ADARB2: variants seen among roughly 807,000 people sequenced by gnomAD.
ADARB2 encodes the protein inactive double-stranded RNA-specific editase B2.
Under a neutral mutation model 62.2 loss-of-function variants are expected in ADARB2, and 25 were observed. The observed-to-expected ratio is 0.40, with a 90% CI of 0.29 to 0.56. ADARB2 has a LOEUF of 0.56. ADARB2 is among the 20% of genes least tolerant of loss of function. The probability of loss-of-function intolerance (pLI) is 0.43; values close to 1 mark genes in which losing one functional copy is unlikely to be tolerated. For missense variants in ADARB2, 1,071 were observed against 1,077.4 expected (o/e 0.99, Z 0.08); for synonymous variants, 572 against 500.8 (o/e 1.14, Z -1.90).
chr10:1,695,578 T>C (rs1043945160), intron 1 of ADARB2, among the ~76,000 whole-genome samples: 1 of 152,054 alleles, frequency 6.6e-6, no homozygotes, highest in African/African-American at 2.4e-5. Context: ...GATCCATGTG[T>C]AGGTCTGTGT....
At chr10:1,469,244 G>T (rs1275304805) in intron 1 of ADARB2, among the ~76,000 whole-genome samples, 2 of 151,884 alleles carry the variant, frequency 1.3e-5, no homozygotes, top group Non-Finnish European at 2.9e-5. Flanking sequence ...CCCCTGCAAA[G>T]CACCGCGGTC....
At chr10:1,631,866 A>C (rs1833847824) in intron 1 of ADARB2, among the ~76,000 whole-genome samples, 1 of 152,238 alleles carries the variant, frequency 6.6e-6, no homozygotes. Context: ...TGTCATAGAA[A>C]TTCTAAACAA....
Position 1,672,703 on chromosome 10 carries a change from GC to G in ADARB2, c.100+64347del, listed in dbSNP as rs1415398011. Among the ~76,000 whole-genome samples the G allele has an allele frequency of 4.9e-4, 47 of 95,540 alleles. 1 individual carries two copies. The highest frequency in any genetic ancestry group is 3.6e-3 in the Admixed American group (34 of 9,484). 62.7% of individuals were successfully genotyped at this position (95,540 alleles called of 152,430 possible). A position where few individuals can be genotyped will look rare whatever the true frequency, so the allele number is the denominator to read the frequency against. ...ACGCACTTCCCTTTCCTCCTTCCAG[GC>G]CCCCCGCCTGCCTCCTCCACGCACC... On this transcript the variant is annotated intron_variant, in intron 1 of 9. Coordinates refer to ENST00000381312, the MANE Select transcript of ADARB2 (RefSeq NM_018702.4).
At position 1,302,233 on chromosome 10, in the gene ADARB2, G is replaced by A. The variant is rs540733462; in HGVS notation, c.1078-31164C>T. On this transcript the variant is annotated intron_variant, in intron 3 of 9. Transcript: ENST00000381312. Reference sequence around the variant, plus strand: ...TCACTTGGGAAGCGCAAGGGGTCAGGGAGTTCCCTTTCCTAATCAAAGAAA... The same window carrying A: ...TCACTTGGGAAGCGCAAGGGGTCAGAGAGTTCCCTTTCCTAATCAAAGAAA... 3.0e-3 allele frequency among the ~76,000 whole-genome samples: 456 copies of A among 152,338 alleles called. 11 individuals are homozygous for A. The highest frequency in any genetic ancestry group is 5.3e-4 in the Non-Finnish European group (36 of 68,032).
At chr10:1,527,049 A>C in intron 1 of ADARB2, 1 of 228,196 alleles carries the variant, frequency 4.4e-6, no homozygotes, top group Non-Finnish European at 9.5e-6. Context: ...TGGGGATGAT[A>C]TTAACCAAGT....
intron 1 of ADARB2, among the ~76,000 whole-genome samples, chr10:1,626,949 G>C (rs1425722103): frequency 6.6e-6 from 1 of 151,866 alleles, no homozygotes; most frequent in African/African-American, 2.4e-5. Context: ...TTCCTCCTAA[G>C]AATCCCTCTC....
At chr10:1,585,835 C>T (rs975096952) in intron 1 of ADARB2, among the ~76,000 whole-genome samples, 23 of 152,132 alleles carry the variant, frequency 1.5e-4, no homozygotes, top group Admixed American at 1.0e-3. Flanking sequence ...GAGATCGAGA[C>T]CATCCTGGCT....
intron 3 of ADARB2, among the ~76,000 whole-genome samples, chr10:1,345,826 C>T (rs1004632040): frequency 6.6e-6 from 1 of 152,218 alleles, no homozygotes; most frequent in Non-Finnish European, 1.5e-5. Flanking sequence ...TGCAGGCCGA[C>T]ACGTGTGCTT....
intron 1 of ADARB2, among the ~76,000 whole-genome samples, chr10:1,402,248 G>T (rs545713055): frequency 6.6e-6 from 1 of 152,356 alleles, no homozygotes; most frequent in East Asian, 1.9e-4. Context: ...TCCAAAGTCA[G>T]TGTTTACGCG....
At chr10:1,449,677 T>G (rs2820623) in intron 1 of ADARB2, among the ~76,000 whole-genome samples, 19,129 of 152,144 alleles carry the variant, frequency 0.13, 1,288 homozygotes, top group South Asian at 0.18. Context: ...AGAAATTCAA[T>G]GTATTCCTTT....
chr10:1,688,773 C>A (rs975493734), intron 1 of ADARB2, among the ~76,000 whole-genome samples: 1 of 152,216 alleles, frequency 6.6e-6, no homozygotes, highest in African/African-American at 2.4e-5. Context: ...GCTGACTCAA[C>A]CCTGACCCTG....
At chr10:1,436,130 C>T (rs1241781884) in intron 1 of ADARB2, among the ~76,000 whole-genome samples, 1 of 151,964 alleles carries the variant, frequency 6.6e-6, no homozygotes, top group Non-Finnish European at 1.5e-5. Flanking sequence ...TGTGTGTGTA[C>T]GTGATATGTG....
chr10:1,183,633 G>T (rs945716689), intron 9 of ADARB2, among the ~76,000 whole-genome samples: 3 of 152,248 alleles, frequency 2.0e-5, no homozygotes, highest in Non-Finnish European at 4.4e-5. Flanking sequence ...CTGTGCAGGG[G>T]CTCCAGGCAG....
intron 1 of ADARB2, among the ~76,000 whole-genome samples, chr10:1,726,007 C>G (rs1010613919): frequency 3.3e-5 from 5 of 152,246 alleles, no homozygotes; most frequent in African/African-American, 9.6e-5. Flanking sequence ...AGCATTCAAT[C>G]TGTTGACTGA....
intron 1 of ADARB2, among the ~76,000 whole-genome samples, chr10:1,721,958 G>T (rs1445226124): frequency 2.6e-5 from 4 of 152,164 alleles, no homozygotes; most frequent in African/African-American, 9.7e-5. Flanking sequence ...CTAATAAAAT[G>T]CCACCAAGAA....
At chr10:1,608,747 A>G (rs1268803088) in intron 1 of ADARB2, among the ~76,000 whole-genome samples, 2 of 150,006 alleles carry the variant, frequency 1.3e-5, no homozygotes, top group African/African-American at 4.9e-5. Flanking sequence ...AAGAGAAGAA[A>G]GAAGGAAGGA....
intron 1 of ADARB2, among the ~76,000 whole-genome samples, chr10:1,712,548 A>G (rs1588362738): frequency 6.6e-6 from 1 of 151,594 alleles, no homozygotes; most frequent in Middle Eastern, 3.4e-3. Context: ...GCAACCCGGG[A>G]GGATTGGGAA....
chr10:1,551,810 C>G (rs529441637), intron 1 of ADARB2, among the ~76,000 whole-genome samples: 1 of 152,176 alleles, frequency 6.6e-6, no homozygotes, highest in Admixed American at 6.5e-5. Context: ...TGAATGTCTC[C>G]GGGACACAAT....
chr10:1,567,345 A>G (rs1306624628), intron 1 of ADARB2, among the ~76,000 whole-genome samples: 1 of 152,192 alleles, frequency 6.6e-6, no homozygotes, highest in Non-Finnish European at 1.5e-5. Flanking sequence ...TTGAGCTCGC[A>G]GGCGTGAACC....
Sources: gnomAD v4.1 joint callset for allele counts (sites outside exome capture counted in the v4.1 genomes callset) on GRCh38, gnomAD v4.1.1 for gene constraint, MANE v1.5 for transcripts, NCBI Gene and HGNC (gene_info 2026-07-23, HGNC 2026-07-21) for gene names.